PCNX1: variants seen among roughly 807,000 people sequenced by gnomAD.
PCNX1 encodes pecanex-like protein 1.
PCNX1 carries 78 observed loss-of-function variants against 242.2 expected under a neutral mutation model. That is an observed-to-expected ratio of 0.32 (90% confidence interval 0.27 to 0.39). PCNX1 has a LOEUF of 0.39. Ranked by LOEUF, PCNX1 falls within the 10% of genes least tolerant of loss-of-function variation. The pLI, the probability that PCNX1 is intolerant of heterozygous loss-of-function variation, is 1.00. For missense variants in PCNX1, 2,581 were observed against 2,856.5 expected, an observed-to-expected ratio of 0.90 and a Z score of 2.20; for synonymous variants, 1,024 against 1,032.9, an observed-to-expected ratio of 0.99 and a Z score of 0.17.
At chr14:71,030,233 T>G (rs1333523423) in intron 16 of PCNX1, among the ~76,000 whole-genome samples, 1 of 152,232 alleles carries the variant, frequency 6.6e-6, no homozygotes, top group Non-Finnish European at 1.5e-5. Context: ...TTTTGGCATT[T>G]ACCTGTATAG....
chr14:70,951,415 T>A (rs2057773125), intron 2 of PCNX1, among the ~76,000 whole-genome samples: 1 of 152,118 alleles, frequency 6.6e-6, no homozygotes, highest in African/African-American at 2.4e-5. Context: ...CTTGCTCTGT[T>A]GCCCAGACGA....
intron 11 of PCNX1, among the ~76,000 whole-genome samples, chr14:71,014,816 A>G (rs2059917016): frequency 6.6e-6 from 1 of 152,312 alleles, no homozygotes; most frequent in African/African-American, 2.4e-5. Flanking sequence ...TTTTGAAGAA[A>G]TAAGAGTGGA....
intron 8 of PCNX1, among the ~76,000 whole-genome samples, chr14:71,002,163 G>A (rs1434660697): frequency 6.6e-6 from 1 of 152,202 alleles, no homozygotes; most frequent in Non-Finnish European, 1.5e-5. Context: ...TCTTTGGGTA[G>A]TAATGAACTT....
At chr14:70,943,244 C>A (rs1214718400) in intron 1 of PCNX1, among the ~76,000 whole-genome samples, 1 of 152,116 alleles carries the variant, frequency 6.6e-6, no homozygotes, top group Non-Finnish European at 1.5e-5. Context: ...GAGGTTGGAA[C>A]AGTTTGGAGG....
intron 7 of PCNX1, among the ~76,000 whole-genome samples, chr14:70,990,248 T>C (rs902523605): frequency 6.6e-6 from 1 of 151,890 alleles, no homozygotes; most frequent in Admixed American, 6.6e-5. Context: ...CAATTAAAAC[T>C]CTTTTAAATT....
In PCNX1 at chr14:70,978,114, A is replaced by G. The variant is rs756034850; in HGVS notation, c.1777A>G (p.Ser593Gly). ...FRGVSGTKPH[S>G]AIFCHDEDSS... is the part of the protein sequence containing the mutation. ...AGGTGTTTCTGGTACCAAGCCACAC[A>G]GTGCTATATTTTGTCATGACGAAGA... The change falls in exon 6 of 36, where the codon AGT becomes GGT. Residue 593 changes from serine (S) to glycine (G), a missense_variant. Coordinates refer to ENST00000304743, the MANE Select transcript of PCNX1 (RefSeq NM_014982.3). The G allele has an allele frequency of 1.2e-5, 20 of 1,614,018 alleles. No individual in the cohort carries two copies. The Admixed American group carries it at 3.3e-4, about 27-fold the overall frequency.
chr14:70,953,664 CTTTTTT>C (rs33967128), intron 2 of PCNX1, among the ~76,000 whole-genome samples: 3 of 114,940 alleles, frequency 2.6e-5, no homozygotes, highest in Non-Finnish European at 5.3e-5. Flanking sequence ...TTTTTTCTTT[CTTTTTT>C]TTTTTTTTTT....
intron 8 of PCNX1, among the ~76,000 whole-genome samples, chr14:71,007,655 A>G (rs951765539): frequency 1.3e-5 from 2 of 152,138 alleles, no homozygotes; most frequent in African/African-American, 2.4e-5. Flanking sequence ...TTTTGAGCAG[A>G]TATTTCTTTT....
chr14:70,912,266 G>T lies in PCNX1; in HGVS notation c.153+4263G>T, dbSNP rs541671099. 7.9e-5 allele frequency among the ~76,000 whole-genome samples: 12 copies of T among 151,976 alleles called. No individual in the cohort carries two copies. In the East Asian group the frequency reaches 2.3e-3, roughly 29 times the overall value. The stretch of plus-strand genomic sequence containing the variant: ...AAAAAGAAAAAAGAAAAAAAAGAAC[G>T]TTAAAATTTATTACGTAAGTGGTTC... On this transcript the variant is annotated intron_variant, in intron 1 of 35. Transcript: ENST00000304743.
intron 31 of PCNX1, among the ~76,000 whole-genome samples, chr14:71,102,586 G>A (rs2062493187): frequency 6.6e-6 from 1 of 151,904 alleles, no homozygotes; most frequent in Non-Finnish European, 1.5e-5. Flanking sequence ...CTTTTAAAAA[G>A]TAATTGAAAG....
intron 8 of PCNX1, among the ~76,000 whole-genome samples, chr14:71,005,271 G>A (rs1439690307): frequency 1.3e-5 from 2 of 152,154 alleles, no homozygotes; most frequent in African/African-American, 2.4e-5. Flanking sequence ...GGGAGGCTGA[G>A]GCAGGAGGTA....
intron 7 of PCNX1, among the ~76,000 whole-genome samples, chr14:70,994,081 T>C (rs1161185906): frequency 6.6e-6 from 1 of 152,126 alleles, no homozygotes; most frequent in Non-Finnish European, 1.5e-5. Flanking sequence ...TTTCATATGT[T>C]GTGTGCATTC....
chr14:71,066,465 T>G (rs1295784632), intron 26 of PCNX1, among the ~76,000 whole-genome samples: 2 of 152,236 alleles, frequency 1.3e-5, no homozygotes, highest in Non-Finnish European at 2.9e-5. Context: ...ATCTGTATCC[T>G]GAGACTTTGC....
chr14:70,959,095 C>G (rs898256650), intron 2 of PCNX1, among the ~76,000 whole-genome samples: 2 of 150,054 alleles, frequency 1.3e-5, no homozygotes, highest in Admixed American at 1.3e-4. Context: ...GTAAAAAACT[C>G]TGGGCAAAAA....
chr14:71,034,392 G>A (rs910351999), intron 18 of PCNX1, among the ~76,000 whole-genome samples: 46 of 151,854 alleles, frequency 3.0e-4, no homozygotes, highest in African/African-American at 9.0e-4. Context: ...TGTTCATCTT[G>A]TTGTTGAAAA....
intron 22 of PCNX1, 137 bp from the exon 23 acceptor site, chr14:71,050,515 A>G: frequency 1.5e-6 from 1 of 682,216 alleles, no homozygotes; most frequent in Non-Finnish European, 2.3e-6. Context: ...CCTGTTATGT[A>G]AATGGCAAAT....
At chr14:71,026,946 A>C in intron 15 of PCNX1, 64 bp downstream of exon 15, 2 of 701,482 alleles carry the variant, frequency 2.9e-6, no homozygotes, top group Non-Finnish European at 4.9e-6. Flanking sequence ...GAAGTAATAA[A>C]CTGACCATTA....
intron 2 of PCNX1, among the ~76,000 whole-genome samples, chr14:70,949,196 AGTGTGT>A (rs2057631502): frequency 6.3e-5 from 9 of 143,130 alleles, no homozygotes; most frequent in Admixed American, 2.1e-4. Flanking sequence ...ATTTACTCAT[AGTGTGT>A]ATATACACAT....
chr14:71,067,473 T>A (rs548164734), intron 26 of PCNX1, among the ~76,000 whole-genome samples: 1 of 152,306 alleles, frequency 6.6e-6, no homozygotes, highest in African/African-American at 2.4e-5. Flanking sequence ...TCCTTTATCA[T>A]TTTTTGTGTC....
Sources: allele counts gnomAD v4.1 joint callset (sites outside exome capture counted in the v4.1 genomes callset), GRCh38; gene constraint gnomAD v4.1.1; transcripts MANE v1.5; gene names NCBI Gene and HGNC (gene_info 2026-07-23, HGNC 2026-07-21).